Variants in FLT4 observed in about 807,000 individuals in gnomAD.
FLT4 encodes the protein vascular endothelial growth factor receptor 3.
A neutral mutation model predicts 163.2 loss-of-function variants in FLT4; 30 were observed. The observed-to-expected ratio is 0.18, with a 90% CI of 0.14 to 0.25. The LOEUF is 0.25. Ranked by LOEUF, FLT4 falls within the 10% of genes least tolerant of loss-of-function variation. The pLI is 1.00. For synonymous variants in FLT4, 884 were observed against 789.5 expected, an observed-to-expected ratio of 1.12 and a Z score of -2.01; for missense variants, 1,510 against 1,863.8, an observed-to-expected ratio of 0.81 and a Z score of 3.50.
intron 24 of FLT4, chr5:180,613,636 C>T (rs10039612): frequency 0.26 from 82,009 of 317,362 alleles, 11,346 homozygotes; most frequent in Middle Eastern, 0.34. Context: ...TCCGCAGTAG[C>T]GTGGATCAGT....
intron 24 of FLT4, chr5:180,613,369 C>A: frequency 2.2e-6 from 1 of 454,316 alleles, no homozygotes. Context: ...GAGCATCCAC[C>A]CACTGGCGAC....
In FLT4 at chr5:180,602,678, C is replaced by G. The variant is rs940306090; in HGVS notation, c.*514G>C. ...GCCTTCTTTGAGATGGAAACACAGC[C>G]CCTCCCTTCAACTGTGCAGGGGTGG... On this transcript the variant is annotated 3_prime_UTR_variant, in exon 30 of 30. Coordinates refer to ENST00000261937, the MANE Select transcript of FLT4 (RefSeq NM_182925.5). 4.8e-6 allele frequency: 2 copies of G among 414,120 alleles called. No individual in the cohort carries two copies. The highest frequency in any genetic ancestry group is 1.1e-4 in the South Asian group (1 of 9,194). 25.7% of individuals were successfully genotyped at this position (414,120 alleles called of 1,614,324 possible). A position where few individuals can be genotyped will look rare whatever the true frequency, so the allele number is the denominator to read the frequency against.
At chr5:180,648,909 G>T (rs1195029886) in intron 1 of FLT4, among the ~76,000 whole-genome samples, 1 of 152,168 alleles carries the variant, frequency 6.6e-6, no homozygotes, top group African/African-American at 2.4e-5. Flanking sequence ...TCAAGTGCCA[G>T]CGTGCACCTG....
At chr5:180,631,402 G>A (rs1218096851) in intron 2 of FLT4, among the ~76,000 whole-genome samples, 1 of 152,104 alleles carries the variant, frequency 6.6e-6, no homozygotes, top group Non-Finnish European at 1.5e-5. Flanking sequence ...GAACCCGGGA[G>A]GCAGAGCTTG....
chr5:180,634,518 C>T (rs1054221064), intron 1 of FLT4, among the ~76,000 whole-genome samples: 39 of 151,540 alleles, frequency 2.6e-4, no homozygotes, highest in Non-Finnish European at 5.2e-4. Flanking sequence ...CTGGCTAACA[C>T]GGTGAAATCC....
In FLT4 at chr5:180,613,061, C is replaced by A; in HGVS notation, c.3381G>T (p.Arg1127=). The A allele has an allele frequency of 6.2e-7, 1 of 1,613,680 alleles. No homozygotes were observed. Among genetic ancestry groups the A allele is most frequent in the Non-Finnish European group, 8.5e-7 (1 of 1,179,776 alleles). Residue 1127 remains arginine (R), a synonymous_variant, in exon 25 of 30, where the codon CGG becomes CGT. Coordinates refer to ENST00000261937, the MANE Select transcript of FLT4 (RefSeq NM_182925.5). The stretch of plus-strand genomic sequence containing the variant: ...CCCTCATCCTTGTGCCGTCTCTCAG[C>A]CGCTGGCAGAACTCCTCATTGATCT... ...GVQINEEFCQ[R]LRDGTRMRAP...
Position 180,612,604 on chromosome 5 carries a change from T to C in FLT4, c.3439A>G (p.Ile1147Val), listed in dbSNP as rs145475446. ...TCTCCGGACCAGCAGTTCAGCATGA[T>C]GCGGCGTCTGCAGGATCACGTGGGC... ...PELATPAIRR[I>V]MLNCWSGDPK... The change falls in exon 26 of 30, where the codon ATC becomes GTC. Residue 1147 changes from isoleucine to valine, a missense_variant. By Grantham distance (29) the Ile-to-Val change is conservative (BLOSUM62 3). Coordinates refer to ENST00000261937, the MANE Select transcript of FLT4 (RefSeq NM_182925.5). 3 of 1,613,174 alleles carry C rather than the reference T, an allele frequency of 1.9e-6. No individual in the cohort carries two copies. The African/African-American group carries it at 4.0e-5, about 22-fold the overall frequency.
Position 180,621,272 on chromosome 5 carries a change from G to A in FLT4, c.2021-20C>T, listed in dbSNP as rs770698447. On this transcript the variant is annotated intron_variant, in intron 13 of 29. Coordinates refer to ENST00000261937, the MANE Select transcript of FLT4 (RefSeq NM_182925.5). ...CCAGGGCTGGGGGCAGGGGTCGAGA[G>A]GGAGCTAAGTGGAGCTGCACTTAGC... The A allele has an allele frequency of 6.2e-6, 10 of 1,609,742 alleles. No homozygotes were observed. In the South Asian group the frequency reaches 9.9e-5, roughly 16 times the overall value.
intron 27 of FLT4, among the ~76,000 whole-genome samples, chr5:180,610,962 C>G (rs1031025187): frequency 2.0e-5 from 3 of 152,186 alleles, no homozygotes; most frequent in African/African-American, 7.2e-5. Flanking sequence ...GAGGCTGAGG[C>G]AGGAGAATGG....
At chr5:180,606,146 T>C (rs763316439) in intron 29 of FLT4, among the ~76,000 whole-genome samples, 9 of 152,236 alleles carry the variant, frequency 5.9e-5, no homozygotes, top group Non-Finnish European at 1.0e-4. Context: ...CTGCTGCCGA[T>C]ACAGGGTGGT....
intron 1 of FLT4, among the ~76,000 whole-genome samples, chr5:180,637,690 G>A (rs968972208): frequency 8.5e-5 from 13 of 152,106 alleles, no homozygotes; most frequent in Admixed American, 6.6e-5. Flanking sequence ...GCGCCATCAC[G>A]CCCAGCTAAT....
At position 180,622,732 on chromosome 5, in the gene FLT4, G is replaced by C. The variant is rs760169945; in HGVS notation, c.1656C>G (p.Thr552=). The C allele has an allele frequency of 1.9e-6, 3 of 1,598,512 alleles. No individual in the cohort carries two copies. The highest frequency in any genetic ancestry group is 3.3e-5 in the Admixed American group (2 of 59,968). Residue 552 remains threonine (T), a splice_region_variant and synonymous_variant, in exon 12 of 30, where the codon ACC becomes ACG. Transcript: ENST00000261937. ...CCCCGCCCTGGTCTGGTCACTCACT[G>C]GTCACATAGAAGTAGATGAGCCGCT... ...QDERLIYFYV[T]TIPDGFTIES... is the part of the protein sequence containing the mutation.
chr5:180,626,342 A>C, intron 8 of FLT4, 77 bp from the exon 9 acceptor site: 90 of 1,497,390 alleles, frequency 6.0e-5, no homozygotes, highest in Non-Finnish European at 7.5e-5. Context: ...CCCACCCCAA[A>C]TACAGTTGGG....
At chr5:180,633,778 T>C (rs1764348390) in intron 1 of FLT4, among the ~76,000 whole-genome samples, 1 of 152,142 alleles carries the variant, frequency 6.6e-6, no homozygotes, top group Non-Finnish European at 1.5e-5. Context: ...ATGATGAGCA[T>C]GGGGCTAGAC....
chr5:180,649,116 G>A (rs1765624678), intron 1 of FLT4, among the ~76,000 whole-genome samples: 2 of 151,812 alleles, frequency 1.3e-5, no homozygotes, highest in Non-Finnish European at 1.5e-5. Flanking sequence ...GGACGGCGCG[G>A]CGCGGGGACC....
intron 24 of FLT4, chr5:180,613,694 G>A (rs1227339191): frequency 5.3e-6 from 2 of 379,676 alleles, no homozygotes; most frequent in African/African-American, 4.1e-5. Context: ...GCCCTACCCT[G>A]GCCTGGAGAC....
rs139157436 is a variant in FLT4 at position 180,622,492 on chromosome 5, G to C, written c.1657+239C>G. Among the ~76,000 whole-genome samples, 21 of 152,310 alleles carry C rather than the reference G, an allele frequency of 1.4e-4. No individual in the cohort carries two copies. The East Asian group carries it at 4.1e-3, about 30-fold the overall frequency. On this transcript the variant is annotated intron_variant, in intron 12 of 29. Transcript: ENST00000261937. ...GTATAGCTAGGAGGAGCTGCAGTGA[G>C]CCAAGGGCATCCTTGAGGGAGGAGC...
rs1470845982 is a variant in FLT4, at chr5:180,636,552, C to G, written c.59-4774G>C. Among the ~76,000 whole-genome samples the G allele has an allele frequency of 7.0e-6, 1 of 142,570 alleles. No individual in the cohort carries two copies. Among genetic ancestry groups the G allele is most frequent in the Non-Finnish European group, 1.5e-5 (1 of 65,020 alleles). 93.5% of individuals were successfully genotyped at this position (142,570 alleles called of 152,430 possible). On this transcript the variant is annotated intron_variant, in intron 1 of 29. Coordinates refer to ENST00000261937, the MANE Select transcript of FLT4 (RefSeq NM_182925.5). The surrounding 1 kb of genome is among the most constrained non-coding windows in gnomAD (Gnocchi z 4.3). ...CTGACCGTAGCTCCTGGCTCACCAT[C>G]CCCCCCACCCCAGCTCCTGCCCTTC...
rs76162426 is a variant in FLT4, at chr5:180,622,152, C to T, written c.1658-248G>A. Among the ~76,000 whole-genome samples, 9,251 of 152,182 alleles carry T rather than the reference C, an allele frequency of 0.061. 434 individuals are homozygous for T. Among genetic ancestry groups the T allele is most frequent in the African/African-American group, 0.13 (5,341 of 41,488 alleles). The stretch of plus-strand genomic sequence containing the variant: ...CCACCCCATGCTCAGCCTGAAATAA[C>T]GTGTTCCCTGGCTTTTCCCAGTGCC... On this transcript the variant is annotated intron_variant, in intron 12 of 29. Transcript: ENST00000261937.
Sources: gnomAD v4.1 joint callset for allele counts (sites outside exome capture counted in the v4.1 genomes callset) on GRCh38, gnomAD v4.1.1 for gene constraint, Gnocchi (gnomAD v3.1) non-coding constraint, MANE v1.5 for transcripts, NCBI Gene and HGNC (gene_info 2026-07-23, HGNC 2026-07-21) for gene names.